The following SPATS2 variants were observed in gnomAD, a reference collection of about 807,000 sequenced individuals.
SPATS2 encodes spermatogenesis associated serine rich 2.
In SPATS2, 38 loss-of-function variants were observed where a neutral mutation model predicts 63.7. The observed-to-expected ratio is 0.60, with a 90% CI of 0.46 to 0.78. The LOEUF (loss-of-function observed/expected upper bound fraction) is 0.78, where lower values mean the gene tolerates loss of function less well. Among genes scored for constraint, SPATS2 ranks in the 30% least tolerant of loss-of-function variants. The pLI is 0.00. For missense variants in SPATS2, 588 were observed against 666.2 expected, an observed-to-expected ratio of 0.88 and a Z score of 1.29; for synonymous variants, 207 against 232.9, an observed-to-expected ratio of 0.89 and a Z score of 1.01.
intron 11 of SPATS2, among the ~76,000 whole-genome samples, chr12:49,520,085 T>C (rs1205405846): frequency 6.6e-6 from 1 of 152,100 alleles, no homozygotes; most frequent in Admixed American, 6.5e-5. Context: ...GTTCAAGCGC[T>C]TCTCCTGCCT....
chr12:49,523,946 C>T (rs1276158691), intron 12 of SPATS2, among the ~76,000 whole-genome samples: 1 of 149,170 alleles, frequency 6.7e-6, no homozygotes, highest in African/African-American at 2.5e-5. Context: ...AGTGAGACTC[C>T]GGATCAAAAA....
chr12:49,414,051 T>C (rs1237267938), intron 2 of SPATS2, among the ~76,000 whole-genome samples: 1 of 152,222 alleles, frequency 6.6e-6, no homozygotes, highest in African/African-American at 2.4e-5. Context: ...ATGTACTGTG[T>C]TGCAATAGAG....
intron 6 of SPATS2, among the ~76,000 whole-genome samples, chr12:49,493,343 A>T (rs1038791636): frequency 7.2e-5 from 11 of 151,974 alleles, no homozygotes; most frequent in African/African-American, 2.7e-4. Context: ...TGCCTATGCA[A>T]TATACTCACA....
intron 9 of SPATS2, among the ~76,000 whole-genome samples, chr12:49,509,441 G>T (rs1427770185): frequency 6.6e-6 from 1 of 151,518 alleles, no homozygotes; most frequent in Non-Finnish European, 1.5e-5. Context: ...CCACATTTTT[G>T]TACTTCTAGT....
At chr12:49,468,778 A>C (rs1262412448) in intron 3 of SPATS2, among the ~76,000 whole-genome samples, 3 of 152,296 alleles carry the variant, frequency 2.0e-5, no homozygotes, top group Middle Eastern at 6.8e-3. Flanking sequence ...CACTGGGCCT[A>C]GAATTTTTTT....
Position 49,475,872 on chromosome 12 carries a change from G to T in SPATS2, c.26-8718G>T, listed in dbSNP as rs146092146. Among the ~76,000 whole-genome samples, 109 of 152,270 alleles carry T rather than the reference G, an allele frequency of 7.2e-4. 1 individual carries two copies. The highest frequency in any genetic ancestry group is 1.8e-3 in the Admixed American group (28 of 15,292). On this transcript the variant is annotated intron_variant, in intron 3 of 13. Coordinates refer to ENST00000552918, the MANE Select transcript of SPATS2 (RefSeq NM_023071.4). ...AGATGTCCTGGAGACAGAAGAGGGG[G>T]CATTAAAGTCAATATCATTGCCTCC...
intron 2 of SPATS2, among the ~76,000 whole-genome samples, chr12:49,391,306 G>A (rs1944414256): frequency 6.6e-6 from 1 of 152,234 alleles, no homozygotes; most frequent in Non-Finnish European, 1.5e-5. Flanking sequence ...GAGGTCAGGA[G>A]TTTGAGACCA....
At position 49,495,369 on chromosome 12, in the gene SPATS2, A is replaced by AT. The variant is rs544110340; in HGVS notation, c.526+376dup. Reference sequence around the variant, plus strand: ...CCACCACGCCTGGCTAATCTTTTGTATTTTTTTTTAGTAGAGATGGGGTTT... The same window carrying AT: ...CCACCACGCCTGGCTAATCTTTTGTATTTTTTTTTTAGTAGAGATGGGGTTT... On this transcript the variant is annotated intron_variant, in intron 7 of 13. Transcript: ENST00000552918. Among the ~76,000 whole-genome samples the AT allele has an allele frequency of 8.6e-4, 129 of 150,046 alleles. 1 individual carries two copies. The South Asian group carries it at 0.015, about 18-fold the overall frequency.
intron 2 of SPATS2, among the ~76,000 whole-genome samples, chr12:49,394,195 G>A (rs141803348): frequency 1.3e-5 from 2 of 152,032 alleles, no homozygotes; most frequent in South Asian, 4.2e-4. Flanking sequence ...AAAATTAGCC[G>A]GGCTTCATGG....
intron 3 of SPATS2, among the ~76,000 whole-genome samples, chr12:49,467,696 ACT>A (rs1281554100): frequency 2.0e-5 from 3 of 151,178 alleles, no homozygotes; most frequent in Non-Finnish European, 3.0e-5. Flanking sequence ...GGTACACTAG[ACT>A]CTTTTTTTCT....
At chr12:49,379,333 G>A (rs1172613628) in intron 2 of SPATS2, among the ~76,000 whole-genome samples, 4 of 150,206 alleles carry the variant, frequency 2.7e-5, no homozygotes. Context: ...GGATCACGAG[G>A]TCAGGAGATC....
chr12:49,516,639 G>C (rs1043162725), intron 10 of SPATS2, among the ~76,000 whole-genome samples: 1 of 151,618 alleles, frequency 6.6e-6, no homozygotes. Context: ...CCAGGGGGCA[G>C]AGGTTGCAGT....
intron 2 of SPATS2, among the ~76,000 whole-genome samples, chr12:49,426,004 A>G (rs1945068738): frequency 6.6e-6 from 1 of 152,218 alleles, no homozygotes; most frequent in African/African-American, 2.4e-5. Flanking sequence ...GTTTGAGAAC[A>G]ACAAATAGAT....
At chr12:49,459,548 A>G (rs1945780917) in intron 2 of SPATS2, among the ~76,000 whole-genome samples, 1 of 151,630 alleles carries the variant, frequency 6.6e-6, no homozygotes, top group African/African-American at 2.4e-5. Context: ...GGGTTTCTCC[A>G]TGTTGGTCCG....
chr12:49,497,076 A>C, intron 8 of SPATS2, 67 bp downstream of exon 8: 2 of 1,429,970 alleles, frequency 1.4e-6, no homozygotes, highest in Middle Eastern at 1.9e-4. Flanking sequence ...AGGGCAAATT[A>C]TCTCTGTTGC....
intron 2 of SPATS2, among the ~76,000 whole-genome samples, chr12:49,416,905 C>G (rs11609087): frequency 0.092 from 14,019 of 152,152 alleles, 753 homozygotes; most frequent in African/African-American, 0.14. Flanking sequence ...AATTTGCAAA[C>G]GTATTTTAAA....
intron 7 of SPATS2, 91 bp downstream of exon 7, chr12:49,495,093 T>A (rs1326517424): frequency 1.5e-6 from 2 of 1,329,388 alleles, no homozygotes; most frequent in Non-Finnish European, 2.0e-6. Context: ...ATCTAGTTAG[T>A]CTTTTTTTAT....
At chr12:49,459,850 G>A (rs1240057072) in intron 2 of SPATS2, among the ~76,000 whole-genome samples, 1 of 147,190 alleles carries the variant, frequency 6.8e-6, no homozygotes, top group Non-Finnish European at 1.5e-5. Context: ...ACTTTGGGAG[G>A]CCGAGGCAGG....
chr12:49,448,087 A>G (rs1229451383), intron 2 of SPATS2, among the ~76,000 whole-genome samples: 4 of 148,666 alleles, frequency 2.7e-5, no homozygotes, highest in Non-Finnish European at 6.0e-5. Flanking sequence ...TGTTTTAAGT[A>G]CCAATTTAGC....
Sources: allele counts gnomAD v4.1 joint callset (sites outside exome capture counted in the v4.1 genomes callset), GRCh38; gene constraint gnomAD v4.1.1; transcripts MANE v1.5; gene names NCBI Gene and HGNC (gene_info 2026-07-23, HGNC 2026-07-21).